PCDHA1: variants seen among roughly 807,000 people sequenced by gnomAD.
PCDHA1 encodes protocadherin alpha-1.
In PCDHA1, 42 loss-of-function variants were observed where a neutral mutation model predicts 61.3. The ratio of observed to expected loss-of-function variants is 0.69; its 90% CI spans 0.54 to 0.89. PCDHA1 has a LOEUF of 0.89. Ranked by LOEUF, PCDHA1 falls within the 40% of genes least tolerant of loss-of-function variation. The pLI is 0.00. For missense variants in PCDHA1, 1,256 were observed against 1,235.3 expected (o/e 1.02, Z -0.25); for synonymous variants, 610 against 553.8 (o/e 1.10, Z -1.43).
At chr5:140,918,302 G>A (rs1382712359) in intron 1 of PCDHA1, among the ~76,000 whole-genome samples, 1 of 152,048 alleles carries the variant, frequency 6.6e-6, no homozygotes, top group African/African-American at 2.4e-5. Context: ...GAGAATATAG[G>A]GTTTTCTAGG....
rs2150412128 is a variant in PCDHA1 at position 140,848,533 on chromosome 5, C to T, written c.2394+59849C>T. 6.3e-6 allele frequency: 10 copies of T among 1,594,958 alleles called. No homozygotes were observed. In the East Asian group the frequency reaches 1.8e-4, roughly 28 times the overall value. On this transcript the variant is annotated intron_variant, in intron 1 of 3. Transcript: ENST00000504120. ...AGTCGAGGAGATCCAGAGGGTCAGC[C>T]TCTACTGCTCTCGCTTCTGATCCTC...
At chr5:140,816,646 C>T (rs2126674174) in intron 1 of PCDHA1, 3 of 152,234 alleles carry the variant, frequency 2.0e-5, no homozygotes, top group African/African-American at 4.8e-5. Context: ...CCAGCTACCT[C>T]TTCCAGTCTT....
rs538379527 is a variant in PCDHA1, at chr5:140,803,537, A to G, written c.2394+14853A>G. 1.2e-5 allele frequency: 19 copies of G among 1,614,192 alleles called. No homozygotes were observed. In the South Asian group the frequency reaches 1.9e-4, roughly 16 times the overall value. On this transcript the variant is annotated intron_variant, in intron 1 of 3. Coordinates refer to ENST00000504120, the MANE Select transcript of PCDHA1 (RefSeq NM_018900.4). The stretch of plus-strand genomic sequence containing the variant: ...TTAGCCCTAGCCTTCCTCCTTGTCC[A>G]ATTAGCCGGGATAGAGAGGAGAAAC...
chr5:140,817,869 A>G (rs1392490266), intron 1 of PCDHA1, among the ~76,000 whole-genome samples: 4 of 152,170 alleles, frequency 2.6e-5, no homozygotes, highest in African/African-American at 9.7e-5. Context: ...TTGGGTATTG[A>G]ATGAAAGTTA....
At chr5:140,899,336 A>G (rs2067275819) in intron 1 of PCDHA1, among the ~76,000 whole-genome samples, 1 of 152,130 alleles carries the variant, frequency 6.6e-6, no homozygotes, top group Non-Finnish European at 1.5e-5. Context: ...TTTGTCATAG[A>G]TAGCTCTTAT....
chr5:140,797,671 T>C (rs182025816), intron 1 of PCDHA1, among the ~76,000 whole-genome samples: 17 of 152,336 alleles, frequency 1.1e-4, no homozygotes, highest in Non-Finnish European at 2.4e-4. Context: ...CTCTTAAAAA[T>C]TGAAAATCAC....
In PCDHA1 at chr5:140,959,884, G is replaced by A. The variant is rs141989766; in HGVS notation, c.2395-19065G>A. On this transcript the variant is annotated intron_variant, in intron 1 of 3. Coordinates refer to ENST00000504120, the MANE Select transcript of PCDHA1 (RefSeq NM_018900.4). ...TAGCAAAATCTGTCAAGGAATACAC[G>A]AGTGGGATTTATATCAGAAAAATCA... Among the ~76,000 whole-genome samples, 570 of 152,254 alleles carry A rather than the reference G, an allele frequency of 3.7e-3. 1 individual carries two copies. The highest frequency in any genetic ancestry group is 6.9e-3 in the Non-Finnish European group (471 of 68,018).
At chr5:141,009,034 C>T (rs183192515) in intron 3 of PCDHA1, among the ~76,000 whole-genome samples, 64 of 152,344 alleles carry the variant, frequency 4.2e-4, no homozygotes, top group African/African-American at 1.5e-3. Context: ...TTTCCCATCC[C>T]GTTCCCAGTC....
intron 1 of PCDHA1, among the ~76,000 whole-genome samples, chr5:140,886,192 G>A (rs2060891690): frequency 6.6e-6 from 1 of 152,118 alleles, no homozygotes; most frequent in Non-Finnish European, 1.5e-5. Context: ...CTGGCAAGCA[G>A]TAATCTGTTC....
intron 2 of PCDHA1, 164 bp downstream of exon 2, chr5:140,979,171 C>T (rs1586797637): frequency 4.2e-6 from 4 of 960,866 alleles, no homozygotes; most frequent in South Asian, 4.8e-5. Context: ...CTTGAAAGAT[C>T]GCAAATGGTC....
At chr5:140,797,156 C>T (rs782070675) in intron 1 of PCDHA1, 2 of 1,613,954 alleles carry the variant, frequency 1.2e-6, no homozygotes, top group Admixed American at 1.7e-5. Context: ...ACCGAGGGTG[C>T]GCGCGCGCCA....
Position 140,871,139 on chromosome 5 carries a change from C to T in PCDHA1, c.2394+82455C>T, listed in dbSNP as rs782085001. 8 of 1,613,312 alleles carry T rather than the reference C, an allele frequency of 5.0e-6. No individual in the cohort carries two copies. The African/African-American group carries it at 6.7e-5, about 13-fold the overall frequency. On this transcript the variant is annotated intron_variant, in intron 1 of 3. Coordinates refer to ENST00000504120, the MANE Select transcript of PCDHA1 (RefSeq NM_018900.4). ...AGCGGACAGGCGCCAAAGGCCTCTTCCCGGACTTTGGCGGGCGCCGCGAGC... is the reference window on the plus strand; with the variant it reads ...AGCGGACAGGCGCCAAAGGCCTCTTTCCGGACTTTGGCGGGCGCCGCGAGC...
chr5:140,788,170 A>C lies in PCDHA1; in HGVS notation c.1880A>C (p.Tyr627Ser). Residue 627 changes from tyrosine (Y) to serine (S), a missense_variant, in exon 1 of 4, where the codon TAC (tyrosine) becomes TCC (serine). Transcript: ENST00000504120. ...GARIPFRVGL[Y>S]TGEISTTRVL... is the part of the protein sequence containing the mutation. ...CGCATCCCGTTCCGCGTGGGGCTGT[A>C]CACGGGCGAGATCAGCACGACTCGT... The C allele has an allele frequency of 6.2e-7, 1 of 1,614,008 alleles. No individual in the cohort carries two copies. The highest frequency in any genetic ancestry group is 8.5e-7 in the Non-Finnish European group (1 of 1,179,904).
chr5:140,796,139 A>G (rs1423182974), intron 1 of PCDHA1: 4 of 1,613,996 alleles, frequency 2.5e-6, no homozygotes, highest in Non-Finnish European at 3.4e-6. Context: ...CTGACGCCCC[A>G]CGTCCCTTTC....
chr5:140,999,217 A>G (rs2097851437), intron 3 of PCDHA1, among the ~76,000 whole-genome samples: 1 of 152,232 alleles, frequency 6.6e-6, no homozygotes, highest in Non-Finnish European at 1.5e-5. Context: ...TGGAAGTACT[A>G]CATTTGAGAA....
chr5:140,851,638 T>A (rs2042116024), intron 1 of PCDHA1: 2 of 915,858 alleles, frequency 2.2e-6, no homozygotes, highest in Non-Finnish European at 2.7e-6. Context: ...AAGTGTTTCC[T>A]TTCTTCAAGA....
intron 1 of PCDHA1, chr5:140,870,636 G>C (rs2153249494): frequency 6.2e-7 from 1 of 1,612,910 alleles, no homozygotes; most frequent in Non-Finnish European, 8.5e-7. Context: ...CGGTGCACGC[G>C]GAGAGCGGCA....
chr5:140,858,813 G>A, intron 1 of PCDHA1: 1 of 351,180 alleles, frequency 2.8e-6, no homozygotes, highest in South Asian at 3.4e-5. Flanking sequence ...ATTTTGATTT[G>A]ATTGTATTTG....
At chr5:140,795,706 A>G in intron 1 of PCDHA1, 1 of 1,614,148 alleles carries the variant, frequency 6.2e-7, no homozygotes, top group Non-Finnish European at 8.5e-7. Context: ...ATCAGTTTAC[A>G]AAGTAAAATT....
Sources: gnomAD v4.1 joint callset for allele counts (sites outside exome capture counted in the v4.1 genomes callset) on GRCh38, gnomAD v4.1.1 for gene constraint, MANE v1.5 for transcripts, NCBI Gene and HGNC (gene_info 2026-07-23, HGNC 2026-07-21) for gene names.